MAP4K5: variants seen among roughly 807,000 people sequenced by gnomAD.
MAP4K5 encodes MAPK/ERK kinase kinase kinase 5.
In MAP4K5, 82 loss-of-function variants were observed where a neutral mutation model predicts 135.6. The observed-to-expected ratio is 0.60, with a 90% confidence interval of 0.51 to 0.73. MAP4K5 has a LOEUF of 0.73. MAP4K5 is among the 30% of genes least tolerant of loss of function. The pLI is 0.00. For synonymous variants in MAP4K5, 347 were observed against 335.0 expected (o/e 1.04, Z -0.39); for missense variants, 907 against 1,010.9 (o/e 0.90, Z 1.39).
intron 23 of MAP4K5, among the ~76,000 whole-genome samples, chr14:50,439,109 G>C (rs2036165052): frequency 2.0e-5 from 3 of 151,632 alleles, no homozygotes; most frequent in Non-Finnish European, 4.4e-5. Context: ...ATATTCTTTT[G>C]AGGACTCCAG....
intron 9 of MAP4K5, among the ~76,000 whole-genome samples, chr14:50,474,606 G>A (rs941676537): frequency 2.0e-5 from 3 of 152,064 alleles, no homozygotes; most frequent in African/African-American, 7.2e-5. Flanking sequence ...TAGGATGAAG[G>A]AGTTTTAACA....
intron 10 of MAP4K5, 98 bp downstream of exon 10, chr14:50,468,553 T>G: frequency 7.9e-7 from 1 of 1,264,392 alleles, no homozygotes; most frequent in Middle Eastern, 2.3e-4. Context: ...CCTTTACTAT[T>G]TTTCATTCTT....
At chr14:50,425,857 C>T (rs778488309) in intron 31 of MAP4K5, 50 bp downstream of exon 31, 9 of 1,298,614 alleles carry the variant, frequency 6.9e-6, no homozygotes, top group Non-Finnish European at 1.0e-5. Context: ...AGTGCTTCGA[C>T]ATTTAAAATT....
In MAP4K5 at chr14:50,418,869, A is replaced by G. The variant is rs1361679247; in HGVS notation, c.*1150T>C. The stretch of plus-strand genomic sequence containing the variant: ...TTTAATTTTGAATATTAACAATAGC[A>G]AAAGAAAAACAAACTCAAAAATGAC... On this transcript the variant is annotated 3_prime_UTR_variant, in exon 33 of 33. Coordinates refer to ENST00000682126, the MANE Select transcript of MAP4K5 (RefSeq NM_006575.6). The G allele has an allele frequency of 3.3e-5, 5 of 152,220 alleles. No homozygotes were observed. Among genetic ancestry groups the G allele is most frequent in the African/African-American group, 1.2e-4 (5 of 41,464 alleles). 9.4% of individuals were successfully genotyped at this position (152,220 alleles called of 1,614,324 possible). A position where few individuals can be genotyped will look rare whatever the true frequency, so the allele number is the denominator to read the frequency against.
At chr14:50,426,614 C>A (rs113153095) in intron 30 of MAP4K5, among the ~76,000 whole-genome samples, 1 of 152,178 alleles carries the variant, frequency 6.6e-6, no homozygotes, top group African/African-American at 2.4e-5. Context: ...GCCCCAGCTA[C>A]TCAGGACGCT....
chr14:50,444,652 T>C (rs1328643922), intron 18 of MAP4K5, among the ~76,000 whole-genome samples: 3 of 152,178 alleles, frequency 2.0e-5, no homozygotes, highest in Non-Finnish European at 4.4e-5. Flanking sequence ...CAGAAATCTC[T>C]GGTCTTCTGT....
At chr14:50,437,692 G>T (rs1266189981) in intron 25 of MAP4K5, among the ~76,000 whole-genome samples, 158 bp from the exon 26 acceptor site, 1 of 152,164 alleles carries the variant, frequency 6.6e-6, no homozygotes, top group Non-Finnish European at 1.5e-5. Context: ...GGAAGGGCCT[G>T]ACAGTCTGTA....
Position 50,467,786 on chromosome 14 carries a change from T to A in MAP4K5, c.674+865A>T, listed in dbSNP as rs145979984. On this transcript the variant is annotated intron_variant, in intron 10 of 32. Coordinates refer to ENST00000682126, the MANE Select transcript of MAP4K5 (RefSeq NM_006575.6). ...CATTCTAGCTAAAAGTAGGTATCTT[T>A]TAATATATATTATCTTTAGCTGCTT... Among the ~76,000 whole-genome samples, 19 of 152,262 alleles carry A rather than the reference T, an allele frequency of 1.2e-4. No individual in the cohort carries two copies. The East Asian group carries it at 3.1e-3, about 25-fold the overall frequency.
chr14:50,445,270 C>A, intron 17 of MAP4K5, 76 bp from the exon 18 acceptor site: 2 of 1,383,866 alleles, frequency 1.4e-6, no homozygotes, highest in Non-Finnish European at 2.0e-6. Context: ...GGGAAATGCA[C>A]CTTTTTTCAT....
chr14:50,443,111 G>C (rs1279015162), intron 20 of MAP4K5, among the ~76,000 whole-genome samples: 1 of 152,032 alleles, frequency 6.6e-6, no homozygotes, highest in Non-Finnish European at 1.5e-5. Flanking sequence ...TTTTAGGACT[G>C]ACAATTATTA....
chr14:50,497,405 G>C (rs1462773441), intron 3 of MAP4K5, among the ~76,000 whole-genome samples: 1 of 152,140 alleles, frequency 6.6e-6, no homozygotes, highest in Non-Finnish European at 1.5e-5. Flanking sequence ...AGTGAAGACA[G>C]GATACAAATA....
At chr14:50,461,727 T>C in intron 13 of MAP4K5, among the ~76,000 whole-genome samples, 1 of 152,084 alleles carries the variant, frequency 6.6e-6, no homozygotes, top group East Asian at 1.9e-4. Context: ...AAGACAATCC[T>C]GGCCAACTTA....
intron 1 of MAP4K5, chr14:50,560,162 C>G (rs1428748808): frequency 7.2e-7 from 1 of 1,390,858 alleles, no homozygotes; most frequent in Non-Finnish European, 1.0e-6. Flanking sequence ...GAGCGAACTG[C>G]GCCCAGCGCG....
chr14:50,513,008 A>G (rs1005181866), intron 2 of MAP4K5, among the ~76,000 whole-genome samples: 2 of 152,182 alleles, frequency 1.3e-5, no homozygotes, highest in East Asian at 1.9e-4. Flanking sequence ...TTTGGTATAC[A>G]CTAATACTCA....
chr14:50,529,349 T>G (rs1446641780), intron 2 of MAP4K5, among the ~76,000 whole-genome samples: 1 of 152,154 alleles, frequency 6.6e-6, no homozygotes, highest in Non-Finnish European at 1.5e-5. Flanking sequence ...ATCACACCAC[T>G]GCCCTCTAGC....
Position 50,444,985 on chromosome 14 carries a change from C to A in MAP4K5, c.1339+56G>T. Reference sequence around the variant, plus strand: ...CAGTTTTCACTTTGATTTATTCACCCAGATAACAATATCTAGCCATATGTA... The same window carrying A: ...CAGTTTTCACTTTGATTTATTCACCAAGATAACAATATCTAGCCATATGTA... On this transcript the variant is annotated intron_variant, in intron 18 of 32. Coordinates refer to ENST00000682126, the MANE Select transcript of MAP4K5 (RefSeq NM_006575.6). 2.0e-6 allele frequency: 3 copies of A among 1,520,186 alleles called. 1 individual carries two copies. The South Asian group carries it at 3.8e-5, about 19-fold the overall frequency. 94.2% of individuals were successfully genotyped at this position (1,520,186 alleles called of 1,614,324 possible). A position where few individuals can be genotyped will look rare whatever the true frequency, so the allele number is the denominator to read the frequency against.
intron 1 of MAP4K5, among the ~76,000 whole-genome samples, chr14:50,553,749 C>T (rs1444789131): frequency 1.3e-5 from 2 of 152,170 alleles, no homozygotes; most frequent in Non-Finnish European, 2.9e-5. Context: ...GGTATATATA[C>T]ACCATGGAAT....
At chr14:50,490,146 T>G (rs1205296345) in intron 3 of MAP4K5, among the ~76,000 whole-genome samples, 1 of 144,206 alleles carries the variant, frequency 6.9e-6, no homozygotes, top group Non-Finnish European at 1.5e-5. Context: ...TGTGTGTGTG[T>G]GTGTGTGTGT....
Position 50,504,851 on chromosome 14 carries a change from T to C in MAP4K5, c.115A>G (p.Asn39Asp). Residue 39 changes from asparagine (N) to aspartate (D), a missense_variant, in exon 3 of 33, where the codon AAT (asparagine) becomes GAT (aspartate). Physicochemically the swap from Asn to Asp is conservative, Grantham distance 23 (BLOSUM62 1). Coordinates refer to ENST00000682126, the MANE Select transcript of MAP4K5 (RefSeq NM_006575.6). The part of the protein sequence containing the change: ...GTYGDVYKAR[N>D]VHTGELAAVK... ...GCAGCCAGCTCTCCTGTGTGTACAT[T>C]TCTGGCCTAAAAATAAAATAAAAAC... is the stretch of plus-strand genomic sequence containing the variant. The C allele has an allele frequency of 6.5e-7, 1 of 1,540,360 alleles. No homozygotes were observed. Among genetic ancestry groups the C allele is most frequent in the Admixed American group, 2.1e-5 (1 of 48,126 alleles).
Sources: gnomAD v4.1 joint callset for allele counts (sites outside exome capture counted in the v4.1 genomes callset) on GRCh38, gnomAD v4.1.1 for gene constraint, MANE v1.5 for transcripts, NCBI Gene and HGNC (gene_info 2026-07-23, HGNC 2026-07-21) for gene names.